The following KLHL24 variants were observed in gnomAD, a reference collection of about 807,000 sequenced individuals.
The protein encoded by KLHL24 is kelch like family member 24.
Under a neutral mutation model 53.4 loss-of-function variants are expected in KLHL24, and 29 were observed. That is an observed-to-expected ratio of 0.54 (90% CI 0.40 to 0.74). The LOEUF is 0.74. Ranked by LOEUF, KLHL24 falls within the 30% of genes least tolerant of loss-of-function variation. The pLI is 0.00. For synonymous variants in KLHL24, 222 were observed against 253.7 expected (o/e 0.88, Z 1.19); for missense variants, 504 against 744.0 (o/e 0.68, Z 3.75).
chr3:183,660,176 G>C (rs1367516060), intron 3 of KLHL24, among the ~76,000 whole-genome samples: 1 of 145,810 alleles, frequency 6.9e-6, no homozygotes, highest in East Asian at 2.0e-4. Flanking sequence ...CTGTCACCCA[G>C]CCTAGAGTGC....
intron 3 of KLHL24, among the ~76,000 whole-genome samples, chr3:183,656,789 G>A (rs1217226369): frequency 6.6e-6 from 1 of 151,996 alleles, no homozygotes; most frequent in Non-Finnish European, 1.5e-5. Flanking sequence ...GCCGGGCGCA[G>A]TGGCTCACGC....
At position 183,663,437 on chromosome 3, in the gene KLHL24, C is replaced by G. The variant is rs755337179; in HGVS notation, c.921-21C>G. On this transcript the variant is annotated intron_variant, in intron 3 of 7. Transcript: ENST00000242810. This position sits in a 1 kb window ranked among gnomAD's most constrained non-coding sequence, Gnocchi z 4.9. ...GTAATATTATTATATTATTTATGTA[C>G]GCTAATAATTATTATTTTAGGTCCA... is the stretch of plus-strand genomic sequence containing the variant. The G allele has an allele frequency of 7.9e-7, 1 of 1,267,366 alleles. No homozygotes were observed. The allele number at this position is 1,267,366 out of a possible 1,614,324, so 78.5% of individuals were successfully genotyped here. A position where few individuals can be genotyped will look rare whatever the true frequency, so the allele number is the denominator to read the frequency against.
intron 3 of KLHL24, among the ~76,000 whole-genome samples, chr3:183,658,042 G>A (rs575288627): frequency 3.0e-4 from 46 of 151,958 alleles, no homozygotes; most frequent in African/African-American, 9.9e-4. Flanking sequence ...GTGAAACCCC[G>A]TCTCTACTAA....
intron 5 of KLHL24, 113 bp from the exon 6 acceptor site, chr3:183,670,921 A>T: frequency 1.4e-6 from 1 of 712,000 alleles, no homozygotes; most frequent in Non-Finnish European, 2.4e-6. Context: ...TATTGCAATT[A>T]TATTTATTTA....
At position 183,672,342 on chromosome 3, in the gene KLHL24, C is replaced by G. The variant is rs1156823920; in HGVS notation, c.1460C>G (p.Ala487Gly). 6.2e-7 allele frequency: 1 copy of G among 1,609,834 alleles called. No individual in the cohort carries two copies. The highest frequency in any genetic ancestry group is 2.2e-5 in the East Asian group (1 of 44,720). ...PETNSWLLRAAIPIAKRCITA... is the reference protein window; with the variant it reads ...PETNSWLLRAGIPIAKRCITA... ...ACCAATTCTTGGCTACTTCGTGCAG[C>G]TATCCCAATTGCCAAAAGGTGTATA... Residue 487 changes from alanine to glycine, a missense_variant, in exon 7 of 8, where the codon GCT becomes GGT. Ala to Gly is a moderately conservative substitution (Grantham distance 60). Transcript: ENST00000242810.
chr3:183,659,245 A>G (rs1464891447), intron 3 of KLHL24, among the ~76,000 whole-genome samples: 1 of 152,188 alleles, frequency 6.6e-6, no homozygotes, highest in Non-Finnish European at 1.5e-5. Flanking sequence ...TTAACAGGAT[A>G]CAAGAGGCCA....
At chr3:183,673,172 C>T (rs1245022194) in intron 7 of KLHL24, among the ~76,000 whole-genome samples, 1 of 152,076 alleles carries the variant, frequency 6.6e-6, no homozygotes, top group Non-Finnish European at 1.5e-5. Context: ...GCCACTTGCA[C>T]TCCAGCCTGG....
At chr3:183,673,061 T>C (rs1029893831) in intron 7 of KLHL24, 2 of 150,414 alleles carry the variant, frequency 1.3e-5, no homozygotes, top group Admixed American at 1.3e-4. Flanking sequence ...AAAAATTAGC[T>C]GGGTTTGGTG....
At chr3:183,658,200 G>A (rs1052626264) in intron 3 of KLHL24, among the ~76,000 whole-genome samples, 5 of 137,168 alleles carry the variant, frequency 3.6e-5, no homozygotes, top group African/African-American at 1.5e-4. Context: ...ATGACAGAGC[G>A]AGACTCTGTC....
intron 3 of KLHL24, among the ~76,000 whole-genome samples, chr3:183,656,877 A>G (rs1311756104): frequency 6.6e-6 from 1 of 151,054 alleles, no homozygotes; most frequent in Non-Finnish European, 1.5e-5. Flanking sequence ...CCTGGGCAAT[A>G]TAGCGAGACC....
At chr3:183,664,241 A>G (rs1720211494) in intron 4 of KLHL24, 1 of 152,252 alleles carries the variant, frequency 6.6e-6, no homozygotes, top group Non-Finnish European at 1.5e-5. Flanking sequence ...GTAATTTTTT[A>G]AACTTTACCT....
chr3:183,669,815 G>A (rs1404998566), intron 5 of KLHL24, among the ~76,000 whole-genome samples: 1 of 152,140 alleles, frequency 6.6e-6, no homozygotes, highest in African/African-American at 2.4e-5. Flanking sequence ...ATGAAATGTT[G>A]TGGACCCTCA....
rs1373083189 is a variant in KLHL24, at chr3:183,681,543, A to T, written c.*2257A>T. The T allele has an allele frequency of 6.6e-6, 1 of 152,262 alleles. No homozygotes were observed. Among genetic ancestry groups the T allele is most frequent in the Non-Finnish European group, 1.5e-5 (1 of 67,848 alleles). The allele number at this position is 152,262 out of a possible 1,614,324, so 9.4% of individuals were successfully genotyped here. A position where few individuals can be genotyped will look rare whatever the true frequency, so the allele number is the denominator to read the frequency against. On this transcript the variant is annotated 3_prime_UTR_variant, in exon 8 of 8. Transcript: ENST00000242810. ...AAAAACAGAATTTTTTTAAACACAG[A>T]CCTCACACCAATATTAATTTTTTCT...
chr3:183,649,481 ATC>A (rs35911630), intron 2 of KLHL24, among the ~76,000 whole-genome samples: 50,628 of 151,164 alleles, frequency 0.33, 9,292 homozygotes, highest in African/African-American at 0.49. Context: ...GCATAGATAA[ATC>A]TGTCGACATA....
intron 5 of KLHL24, among the ~76,000 whole-genome samples, chr3:183,670,387 C>T (rs1033015484): frequency 6.6e-6 from 1 of 152,176 alleles, no homozygotes; most frequent in African/African-American, 2.4e-5. Flanking sequence ...AAATATCTTA[C>T]TGATTGGTTC....
chr3:183,654,026 T>C (rs973929265), intron 3 of KLHL24, among the ~76,000 whole-genome samples: 5 of 152,214 alleles, frequency 3.3e-5, no homozygotes, highest in Non-Finnish European at 7.3e-5. Context: ...TCTCCACTTC[T>C]TCGACAGCAG....
chr3:183,676,642 G>A lies in KLHL24; in HGVS notation c.1603-2444G>A, dbSNP rs138070957. ...TCTGTTTGTCCTTCACCATTTCCAC[G>A]CCTCTTCTGACTTTGCATAATTCCT... On this transcript the variant is annotated intron_variant, in intron 7 of 7. Transcript: ENST00000242810. 7.4e-4 allele frequency among the ~76,000 whole-genome samples: 112 copies of A among 151,972 alleles called. No homozygotes were observed. The East Asian group carries it at 0.019, about 25-fold the overall frequency.
intron 3 of KLHL24, among the ~76,000 whole-genome samples, chr3:183,652,476 C>T (rs1205045294): frequency 6.6e-6 from 1 of 151,852 alleles, no homozygotes; most frequent in Non-Finnish European, 1.5e-5. Context: ...ATAAACTTTA[C>T]TGTCTTAATC....
intron 3 of KLHL24, among the ~76,000 whole-genome samples, chr3:183,652,099 C>T (rs1387436118): frequency 1.3e-5 from 2 of 152,130 alleles, no homozygotes. Context: ...TTAATTGTCA[C>T]AGTTATTATA....
Sources: allele counts gnomAD v4.1 joint callset (sites outside exome capture counted in the v4.1 genomes callset), GRCh38; gene constraint gnomAD v4.1.1; non-coding constraint Gnocchi (gnomAD v3.1); transcripts MANE v1.5; gene names NCBI Gene and HGNC (gene_info 2026-07-23, HGNC 2026-07-21).